SPIDR: variants seen among roughly 807,000 people sequenced by gnomAD.
SPIDR encodes the protein scaffold protein involved in DNA repair.
In SPIDR, 93 loss-of-function variants were observed where a neutral mutation model predicts 104.6. The observed-to-expected ratio is 0.89, with a 90% confidence interval of 0.75 to 1.06. SPIDR has a LOEUF of 1.06. Among genes scored for constraint, SPIDR ranks in the 50% least tolerant of loss-of-function variants. The pLI is 0.00. For missense variants in SPIDR, 1,154 were observed against 1,111.2 expected (o/e 1.04, Z -0.55); for synonymous variants, 431 against 416.9 (o/e 1.03, Z -0.41).
At chr8:47,359,221 C>G (rs1554628204) in intron 5 of SPIDR, among the ~76,000 whole-genome samples, 2 of 149,186 alleles carry the variant, frequency 1.3e-5, no homozygotes, top group Non-Finnish European at 3.0e-5. Context: ...AGTCCGCAGT[C>G]CGGCCTGGGC....
At chr8:47,662,375 G>C (rs1311395001) in intron 10 of SPIDR, among the ~76,000 whole-genome samples, 1 of 152,184 alleles carries the variant, frequency 6.6e-6, no homozygotes, top group African/African-American at 2.4e-5. Context: ...TTTATGTAAA[G>C]TCTTCCAGTT....
chr8:47,496,992 G>T (rs2079561788), intron 8 of SPIDR, among the ~76,000 whole-genome samples: 1 of 151,928 alleles, frequency 6.6e-6, no homozygotes. Context: ...GCTTACGGTT[G>T]CTCAGTTTAT....
At chr8:47,393,713 CT>C (rs1554654160) in intron 5 of SPIDR, among the ~76,000 whole-genome samples, 2 of 129,334 alleles carry the variant, frequency 1.5e-5, no homozygotes, top group South Asian at 2.5e-4. Flanking sequence ...CTTTCCTTTC[CT>C]TTCCTTTCCT....
intron 5 of SPIDR, among the ~76,000 whole-genome samples, chr8:47,353,781 GTCAT>G (rs2054005078): frequency 1.3e-5 from 2 of 150,108 alleles, no homozygotes; most frequent in Non-Finnish European, 2.9e-5. Context: ...GTTCTGTTAA[GTCAT>G]TCAGTGACGA....
At chr8:47,383,610 T>G (rs2059567954) in intron 5 of SPIDR, among the ~76,000 whole-genome samples, 1 of 152,186 alleles carries the variant, frequency 6.6e-6, no homozygotes, top group African/African-American at 2.4e-5. Flanking sequence ...GTGGGTGAAT[T>G]TGCCCAAGTT....
chr8:47,519,674 A>G (rs959815326), intron 8 of SPIDR, among the ~76,000 whole-genome samples: 2 of 152,158 alleles, frequency 1.3e-5, no homozygotes, highest in African/African-American at 4.8e-5. Flanking sequence ...AGTCCCGACT[A>G]CTTGGGAAGC....
intron 15 of SPIDR, 46 bp from the exon 16 acceptor site, chr8:47,713,443 A>C: frequency 6.2e-7 from 1 of 1,611,638 alleles, no homozygotes; most frequent in Non-Finnish European, 8.5e-7. Context: ...GGCACAATTC[A>C]CTTTTTCTTC....
intron 8 of SPIDR, among the ~76,000 whole-genome samples, chr8:47,509,771 A>G (rs1412135628): frequency 6.6e-6 from 1 of 152,222 alleles, no homozygotes; most frequent in East Asian, 1.9e-4. Context: ...TCTACAACGT[A>G]TATCTCTTGA....
intron 11 of SPIDR, among the ~76,000 whole-genome samples, chr8:47,682,752 A>C (rs1396430864): frequency 6.6e-6 from 1 of 152,222 alleles, no homozygotes; most frequent in African/African-American, 2.4e-5. Flanking sequence ...GGGCTCAAAA[A>C]GGAGGAAATG....
chr8:47,492,976 C>T (rs1360020773), intron 8 of SPIDR, among the ~76,000 whole-genome samples: 2 of 151,310 alleles, frequency 1.3e-5, no homozygotes, highest in East Asian at 1.9e-4. Context: ...TCTACTGATA[C>T]CTTCCAGCTG....
intron 10 of SPIDR, among the ~76,000 whole-genome samples, chr8:47,630,379 G>A (rs897608197): frequency 2.0e-5 from 3 of 152,150 alleles, no homozygotes; most frequent in East Asian, 1.9e-4. Context: ...TCAAAATTCC[G>A]GTGCCAGCTC....
At chr8:47,602,551 G>A (rs2062423946) in intron 10 of SPIDR, among the ~76,000 whole-genome samples, 1 of 152,150 alleles carries the variant, frequency 6.6e-6, no homozygotes, top group African/African-American at 2.4e-5. Flanking sequence ...CACAATAGTT[G>A]CCCCTTCCCC....
rs1465463100 is a variant in SPIDR at position 47,625,793 on chromosome 8, A to G, written c.1544+26597A>G. ...CTCATGGGTAGGAAGAATCAATATC[A>G]TGAAAATGGCCATACTGCCCAAGGT... On this transcript the variant is annotated intron_variant, in intron 10 of 19. Coordinates refer to ENST00000297423, the MANE Select transcript of SPIDR (RefSeq NM_001080394.4). Among the ~76,000 whole-genome samples, 25 of 152,238 alleles carry G rather than the reference A, an allele frequency of 1.6e-4. 1 individual carries two copies. The South Asian group carries it at 3.9e-3, about 24-fold the overall frequency.
intron 7 of SPIDR, among the ~76,000 whole-genome samples, chr8:47,424,574 T>TC (rs2066115889): frequency 6.6e-6 from 1 of 152,154 alleles, no homozygotes; most frequent in Non-Finnish European, 1.5e-5. Flanking sequence ...CTTCTCAGTC[T>TC]CCCAATGAAT....
chr8:47,618,873 G>A (rs564000812), intron 10 of SPIDR, among the ~76,000 whole-genome samples: 5 of 152,280 alleles, frequency 3.3e-5, no homozygotes. Flanking sequence ...ATGATCACAA[G>A]GATTATTATA....
intron 7 of SPIDR, among the ~76,000 whole-genome samples, chr8:47,428,722 A>C (rs1187793929): frequency 6.6e-6 from 1 of 152,194 alleles, no homozygotes; most frequent in Non-Finnish European, 1.5e-5. Flanking sequence ...ATTTGTCCTT[A>C]AACTTCTTTG....
chr8:47,518,336 A>G (rs1232000996), intron 8 of SPIDR, among the ~76,000 whole-genome samples: 1 of 152,224 alleles, frequency 6.6e-6, no homozygotes, highest in Non-Finnish European at 1.5e-5. Flanking sequence ...ATTGGCTACA[A>G]CATTCTTGGA....
intron 16 of SPIDR, 69 bp from the exon 17 acceptor site, chr8:47,727,131 G>C: frequency 2.2e-6 from 3 of 1,353,526 alleles, no homozygotes. Flanking sequence ...TCCTCTGCAC[G>C]TGGAGGAGCA....
intron 14 of SPIDR, among the ~76,000 whole-genome samples, chr8:47,704,933 G>GTA (rs2080858099): frequency 1.3e-5 from 2 of 152,220 alleles, no homozygotes; most frequent in South Asian, 4.1e-4. Context: ...CCTTGAGAGG[G>GTA]GTCAGTGTGT....
Sources: allele counts gnomAD v4.1 joint callset (sites outside exome capture counted in the v4.1 genomes callset), GRCh38; gene constraint gnomAD v4.1.1; transcripts MANE v1.5; gene names NCBI Gene and HGNC (gene_info 2026-07-23, HGNC 2026-07-21).